The following CPED1 variants were observed in gnomAD, a reference collection of about 807,000 sequenced individuals.
CPED1 encodes cadherin-like and PC-esterase domain-containing protein 1.
Under a neutral mutation model 128.2 loss-of-function variants are expected in CPED1, and 114 were observed. The observed-to-expected ratio is 0.89, with a 90% CI of 0.76 to 1.04. CPED1 has a LOEUF of 1.04. Among genes scored for constraint, CPED1 ranks in the 50% least tolerant of loss-of-function variants. The pLI, the probability that CPED1 is intolerant of heterozygous loss-of-function variation, is 0.00. For missense variants in CPED1, 1,211 were observed against 1,207.1 expected, an observed-to-expected ratio of 1.00 and a Z score of -0.05; for synonymous variants, 462 against 426.7, an observed-to-expected ratio of 1.08 and a Z score of -1.02.
At chr7:121,099,629 G>A (rs1343275275) in intron 6 of CPED1, among the ~76,000 whole-genome samples, 1 of 152,162 alleles carries the variant, frequency 6.6e-6, no homozygotes, top group African/African-American at 2.4e-5. Flanking sequence ...GCCTCCCAAA[G>A]TGCTGGGATT....
chr7:121,122,951 A>G (rs1795423533), intron 7 of CPED1, among the ~76,000 whole-genome samples: 1 of 152,310 alleles, frequency 6.6e-6, no homozygotes, highest in Admixed American at 6.5e-5. Flanking sequence ...TTCAGGTAAC[A>G]TTGAAATAGA....
At chr7:121,143,824 A>G (rs1220385032) in intron 16 of CPED1, among the ~76,000 whole-genome samples, 1 of 151,994 alleles carries the variant, frequency 6.6e-6, no homozygotes, top group African/African-American at 2.4e-5. Flanking sequence ...CCTAAGATAA[A>G]TGAAGTCATA....
chr7:121,026,666 TAAA>T (rs36038620), intron 3 of CPED1, among the ~76,000 whole-genome samples: 35 of 136,588 alleles, frequency 2.6e-4, no homozygotes, highest in East Asian at 4.3e-4. Context: ...CATCATTATT[TAAA>T]AAAAAAAAAA....
intron 16 of CPED1, among the ~76,000 whole-genome samples, chr7:121,153,141 G>A (rs2116407185): frequency 6.6e-6 from 1 of 152,236 alleles, no homozygotes; most frequent in South Asian, 2.1e-4. Flanking sequence ...TAATAAATTA[G>A]TAGCAAAGGA....
chr7:121,002,989 C>T (rs1791904272), intron 2 of CPED1, among the ~76,000 whole-genome samples: 1 of 152,148 alleles, frequency 6.6e-6, no homozygotes, highest in Non-Finnish European at 1.5e-5. Context: ...AAATTACTGT[C>T]AGCTGGATCA....
At chr7:121,294,778 C>T (rs1281462432) in intron 22 of CPED1, among the ~76,000 whole-genome samples, 1 of 136,646 alleles carries the variant, frequency 7.3e-6, no homozygotes, top group Non-Finnish European at 1.5e-5. Context: ...GATTAGCATC[C>T]AAGATGGAGT....
intron 16 of CPED1, among the ~76,000 whole-genome samples, chr7:121,204,667 C>T (rs1355592851): frequency 1.3e-5 from 2 of 152,196 alleles, no homozygotes; most frequent in South Asian, 4.1e-4. Flanking sequence ...ATCTCATTTC[C>T]CCTGGATACA....
At chr7:121,033,384 G>C (rs1792787668) in intron 3 of CPED1, among the ~76,000 whole-genome samples, 1 of 152,152 alleles carries the variant, frequency 6.6e-6, no homozygotes, top group Non-Finnish European at 1.5e-5. Flanking sequence ...TTTGTTACTT[G>C]AAAGTTCATC....
Position 120,997,927 on chromosome 7 carries a change from AAAAATAAAATAAAATAAAATAAAAT to A in CPED1, c.249+8087_249+8111del, listed in dbSNP as rs139357762. On this transcript the variant is annotated intron_variant, in intron 2 of 22. Coordinates refer to ENST00000310396, the MANE Select transcript of CPED1 (RefSeq NM_024913.5). The stretch of plus-strand genomic sequence containing the variant: ...ACAAGAGCAAAACTCGGTCTCGAAA[AAAAATAAAATAAAATAAAATAAAAT>A]AAAATAAAATAAAATAAAATAAAAT... 1.5e-3 allele frequency among the ~76,000 whole-genome samples: 191 copies of A among 130,860 alleles called. 2 individuals are homozygous for A. The highest frequency in any genetic ancestry group is 5.4e-3 in the African/African-American group (180 of 33,552). The allele number at this position is 130,860 out of a possible 152,430, so 85.8% of individuals were successfully genotyped here.
At chr7:121,189,232 T>C (rs1253801524) in intron 16 of CPED1, among the ~76,000 whole-genome samples, 1 of 152,172 alleles carries the variant, frequency 6.6e-6, no homozygotes, top group African/African-American at 2.4e-5. Flanking sequence ...AATGAAGGTG[T>C]ATTAATCCAT....
intron 7 of CPED1, among the ~76,000 whole-genome samples, chr7:121,109,871 G>A (rs996691337): frequency 2.6e-5 from 4 of 152,116 alleles, no homozygotes; most frequent in African/African-American, 9.7e-5. Flanking sequence ...TGCCTTCAAG[G>A]AGTTACTGTT....
intron 16 of CPED1, among the ~76,000 whole-genome samples, chr7:121,197,346 A>G (rs1797294055): frequency 6.6e-6 from 1 of 152,158 alleles, no homozygotes; most frequent in South Asian, 2.1e-4. Context: ...AAATAACAAC[A>G]GTACCACTAA....
intron 22 of CPED1, among the ~76,000 whole-genome samples, chr7:121,286,701 A>C (rs923698795): frequency 1.3e-5 from 2 of 152,206 alleles, no homozygotes; most frequent in Non-Finnish European, 2.9e-5. Flanking sequence ...TTATCACTGG[A>C]TGACATGAGT....
Position 121,142,345 on chromosome 7 carries a change from C to G in CPED1, c.2055+204C>G, listed in dbSNP as rs144345031. Among the ~76,000 whole-genome samples, 663 of 152,052 alleles carry G rather than the reference C, an allele frequency of 4.4e-3. 5 individuals carry two copies. Among genetic ancestry groups the G allele is most frequent in the African/African-American group, 0.015 (643 of 41,504 alleles). On this transcript the variant is annotated intron_variant, in intron 16 of 22. Coordinates refer to ENST00000310396, the MANE Select transcript of CPED1 (RefSeq NM_024913.5). ...TTCTTTTTAGTGTGATGGCTACTGT[C>G]TGTGCTCATTGTTTTCAGTGGACTT... is the stretch of plus-strand genomic sequence containing the variant.
intron 16 of CPED1, among the ~76,000 whole-genome samples, chr7:121,145,697 A>T (rs907857967): frequency 1.3e-5 from 2 of 151,994 alleles, no homozygotes; most frequent in Non-Finnish European, 2.9e-5. Flanking sequence ...TTTTATATTT[A>T]ATCTCATTAG....
intron 16 of CPED1, among the ~76,000 whole-genome samples, chr7:121,194,367 A>G (rs1411785912): frequency 6.6e-6 from 1 of 152,020 alleles, no homozygotes; most frequent in Non-Finnish European, 1.5e-5. Context: ...ATATTTTGAA[A>G]TGATAGCAGT....
chr7:121,080,186 G>A (rs1370560302), intron 5 of CPED1, among the ~76,000 whole-genome samples: 3 of 152,108 alleles, frequency 2.0e-5, no homozygotes, highest in Admixed American at 6.5e-5. Flanking sequence ...TGGTTATCCT[G>A]TTCACCTAGC....
chr7:121,278,026 A>G (rs755905374), intron 22 of CPED1, among the ~76,000 whole-genome samples: 10 of 152,118 alleles, frequency 6.6e-5, no homozygotes, highest in Non-Finnish European at 1.2e-4. Flanking sequence ...TTTGGCATGA[A>G]GCAGGGGAGT....
chr7:121,206,849 A>G lies in CPED1; in HGVS notation c.2056-29865A>G, dbSNP rs117348625. ...CCTAGTGAACATCTGTTCTCCACCT[A>G]TCCCATCATACTCAGTCACACTATG... On this transcript the variant is annotated intron_variant, in intron 16 of 22. Coordinates refer to ENST00000310396, the MANE Select transcript of CPED1 (RefSeq NM_024913.5). 4.3e-3 allele frequency among the ~76,000 whole-genome samples: 658 copies of G among 152,072 alleles called. 2 individuals are homozygous for G. Among genetic ancestry groups the G allele is most frequent in the Admixed American group, 8.7e-3 (133 of 15,256 alleles).
Sources: gnomAD v4.1 joint callset for allele counts (sites outside exome capture counted in the v4.1 genomes callset) on GRCh38, gnomAD v4.1.1 for gene constraint, MANE v1.5 for transcripts, NCBI Gene and HGNC (gene_info 2026-07-23, HGNC 2026-07-21) for gene names.